NRXN1: variants seen among roughly 807,000 people sequenced by gnomAD.
NRXN1 encodes the protein neurexin-1.
Under a neutral mutation model 150.9 loss-of-function variants are expected in NRXN1, and 39 were observed. The ratio of observed to expected loss-of-function variants is 0.26; its 90% CI spans 0.20 to 0.34. The LOEUF (loss-of-function observed/expected upper bound fraction) is 0.34. Ranked by LOEUF, NRXN1 falls within the 10% of genes least tolerant of loss-of-function variation. NRXN1 has a pLI of 1.00. For synonymous variants in NRXN1, 924 were observed against 757.0 expected, an observed-to-expected ratio of 1.22 and a Z score of -3.62; for missense variants, 1,815 against 1,949.9, an observed-to-expected ratio of 0.93 and a Z score of 1.30.
chr2:50,490,844 T>C (rs181614911), intron 15 of NRXN1, among the ~76,000 whole-genome samples: 25 of 152,278 alleles, frequency 1.6e-4, no homozygotes, highest in Non-Finnish European at 3.7e-4. Context: ...TGAGGCCTCA[T>C]TGCTCAACAG....
At chr2:50,134,802 T>C (rs1294709638) in intron 18 of NRXN1, among the ~76,000 whole-genome samples, 1 of 152,182 alleles carries the variant, frequency 6.6e-6, no homozygotes, top group Non-Finnish European at 1.5e-5. Context: ...CATTTTGTGA[T>C]ACCATCATTG....
rs150889982 is a variant in NRXN1 at position 50,943,070 on chromosome 2, T to C, written c.773-17115A>G. On this transcript the variant is annotated intron_variant, in intron 2 of 22. Transcript: ENST00000401669. ...ATTCTTAGGAGATCTGGTTGTTTGATAAGTATGTGGCTCTTCTCCTTTGTG... is the reference window on the plus strand; with the variant it reads ...ATTCTTAGGAGATCTGGTTGTTTGACAAGTATGTGGCTCTTCTCCTTTGTG... Among the ~76,000 whole-genome samples the C allele has an allele frequency of 5.6e-4, 85 of 152,216 alleles. No homozygotes were observed. The East Asian group carries it at 0.015, about 28-fold the overall frequency.
At chr2:50,917,890 C>A (rs544135675) in intron 5 of NRXN1, 1 of 151,554 alleles carries the variant, frequency 6.6e-6, no homozygotes, top group East Asian at 2.0e-4. Flanking sequence ...ATGCTTTATT[C>A]TTTTCTAAGT....
At chr2:50,348,307 A>T (rs2078192181) in intron 17 of NRXN1, among the ~76,000 whole-genome samples, 2 of 152,218 alleles carry the variant, frequency 1.3e-5, no homozygotes, top group African/African-American at 4.8e-5. Context: ...AGGGAAAAGG[A>T]TGCATTAATT....
At chr2:50,632,731 G>A (rs1020677681) in intron 5 of NRXN1, 2 of 151,940 alleles carry the variant, frequency 1.3e-5, no homozygotes, top group Non-Finnish European at 2.9e-5. Context: ...AATATATATT[G>A]ATATCATGGC....
intron 18 of NRXN1, among the ~76,000 whole-genome samples, chr2:50,138,499 T>G (rs1407427530): frequency 6.6e-6 from 1 of 152,166 alleles, no homozygotes; most frequent in African/African-American, 2.4e-5. Flanking sequence ...TAAATGCTAT[T>G]TGTGGTTAAA....
chr2:50,185,375 T>A (rs1186379166), intron 18 of NRXN1, among the ~76,000 whole-genome samples: 2 of 152,176 alleles, frequency 1.3e-5, no homozygotes, highest in East Asian at 3.9e-4. Flanking sequence ...GCTATTACCA[T>A]ATTTGTATTG....
intron 17 of NRXN1, among the ~76,000 whole-genome samples, chr2:50,308,222 C>T (rs112367715): frequency 1.3e-4 from 20 of 152,236 alleles, no homozygotes; most frequent in South Asian, 1.0e-3. Flanking sequence ...TCCTGAAAAA[C>T]GTCAATTGTG....
chr2:50,596,645 G>C (rs1005730218), intron 8 of NRXN1, among the ~76,000 whole-genome samples: 1 of 152,062 alleles, frequency 6.6e-6, no homozygotes, highest in African/African-American at 2.4e-5. Context: ...GCTCAGCCAG[G>C]TCAAAACTAC....
chr2:50,286,903 C>T (rs2072257924), intron 17 of NRXN1, among the ~76,000 whole-genome samples: 1 of 151,946 alleles, frequency 6.6e-6, no homozygotes. Context: ...GTAATAATAC[C>T]ATTGCTGCTG....
chr2:49,961,680 C>T (rs902442381), intron 21 of NRXN1, among the ~76,000 whole-genome samples: 1 of 152,084 alleles, frequency 6.6e-6, no homozygotes, highest in East Asian at 1.9e-4. Flanking sequence ...TAGGTCTTTA[C>T]ATCTCTAATT....
intron 13 of NRXN1, among the ~76,000 whole-genome samples, chr2:50,497,963 G>A (rs1477422393): frequency 6.6e-6 from 1 of 152,016 alleles, no homozygotes; most frequent in Non-Finnish European, 1.5e-5. Context: ...ATTAACAAAA[G>A]TAATGGTATC....
intron 21 of NRXN1, among the ~76,000 whole-genome samples, chr2:50,026,236 T>C (rs777294389): frequency 2.9e-4 from 44 of 152,198 alleles, no homozygotes; most frequent in Non-Finnish European, 4.6e-4. Flanking sequence ...ATTCAAGTTT[T>C]GAGGCACATG....
At chr2:50,111,004 T>G (rs1702305627) in intron 18 of NRXN1, among the ~76,000 whole-genome samples, 1 of 152,198 alleles carries the variant, frequency 6.6e-6, no homozygotes, top group South Asian at 2.1e-4. Flanking sequence ...TTCATCTTTT[T>G]TATTTGATTA....
At position 50,727,378 on chromosome 2, in the gene NRXN1, A is replaced by T. The variant is rs139206568; in HGVS notation, c.833-103763T>A. The stretch of plus-strand genomic sequence containing the variant: ...CCTAGGCTATAATTAGTATTCAATA[A>T]ATGCTTCAATTATGAAATATGGAAA... On this transcript the variant is annotated intron_variant, in intron 5 of 22. Coordinates refer to ENST00000401669, the MANE Select transcript of NRXN1 (RefSeq NM_001330078.2). 5.9e-5 allele frequency among the ~76,000 whole-genome samples: 9 copies of T among 152,306 alleles called. No homozygotes were observed. The East Asian group carries it at 1.5e-3, about 26-fold the overall frequency.
chr2:50,358,201 C>G (rs1315848309), intron 17 of NRXN1, among the ~76,000 whole-genome samples: 1 of 152,176 alleles, frequency 6.6e-6, no homozygotes, highest in African/African-American at 2.4e-5. Context: ...CTTTCTACCC[C>G]AGTAGTGCCT....
intron 5 of NRXN1, among the ~76,000 whole-genome samples, chr2:50,680,592 C>A (rs1047042026): frequency 6.6e-6 from 1 of 151,916 alleles, no homozygotes; most frequent in African/African-American, 2.4e-5. Context: ...TGGAAGATGA[C>A]AAATTTTTTA....
At chr2:50,775,316 C>T (rs1234652745) in intron 5 of NRXN1, among the ~76,000 whole-genome samples, 1 of 152,106 alleles carries the variant, frequency 6.6e-6, no homozygotes, top group East Asian at 1.9e-4. Flanking sequence ...ATCTCAGCAA[C>T]ACTGTATTTT....
intron 17 of NRXN1, among the ~76,000 whole-genome samples, chr2:50,445,931 G>T (rs996527544): frequency 1.8e-4 from 28 of 151,982 alleles, no homozygotes; most frequent in Admixed American, 9.2e-4. Context: ...CTGAAACATG[G>T]TATTGACATT....
Sources: allele counts gnomAD v4.1 joint callset (sites outside exome capture counted in the v4.1 genomes callset), GRCh38; gene constraint gnomAD v4.1.1; transcripts MANE v1.5; gene names NCBI Gene and HGNC (gene_info 2026-07-23, HGNC 2026-07-21).